Variants in SHISA9 observed in about 807,000 individuals in gnomAD.
SHISA9 encodes the protein protein shisa-9.
Under a neutral mutation model 38.0 loss-of-function variants are expected in SHISA9, and 13 were observed. The ratio of observed to expected loss-of-function variants is 0.34; its 90% confidence interval spans 0.22 to 0.54. SHISA9 has a LOEUF of 0.54. SHISA9 is among the 20% of genes least tolerant of loss of function. The pLI, the probability that SHISA9 is intolerant of heterozygous loss-of-function variation, is 0.91. For synonymous variants in SHISA9, 275 were observed against 242.0 expected (o/e 1.14, Z -1.27); for missense variants, 538 against 575.8 (o/e 0.93, Z 0.67).
At chr16:13,214,027 G>A (rs1196998093) in intron 4 of SHISA9, among the ~76,000 whole-genome samples, 3 of 151,742 alleles carry the variant, frequency 2.0e-5, no homozygotes, top group Non-Finnish European at 4.4e-5. Flanking sequence ...CTATTCAGTG[G>A]TAGATCTGCA....
chr16:13,293,562 T>C, the SHISA9 span, among the ~76,000 whole-genome samples: 2 of 152,194 alleles, frequency 1.3e-5, no homozygotes, highest in Non-Finnish European at 2.9e-5. Flanking sequence ...GTTTATTAAA[T>C]ATATATAATG....
At chr16:13,532,224 A>G in the SHISA9 span, among the ~76,000 whole-genome samples, 1 of 152,194 alleles carries the variant, frequency 6.6e-6, no homozygotes, top group African/African-American at 2.4e-5. Flanking sequence ...GTTAACCCCC[A>G]AGAACAAATT....
the SHISA9 span, among the ~76,000 whole-genome samples, chr16:13,531,291 C>G: frequency 1.1e-4 from 16 of 152,148 alleles, no homozygotes; most frequent in African/African-American, 3.4e-4. Context: ...ATGATTAGCT[C>G]TTAACACAAA....
intron 2 of SHISA9, among the ~76,000 whole-genome samples, chr16:13,004,774 A>G (rs1165459985): frequency 6.6e-6 from 1 of 151,710 alleles, no homozygotes. Context: ...AAAATACAAA[A>G]AAAAAAAATT....
At chr16:13,189,380 G>A (rs946566964) in intron 2 of SHISA9, among the ~76,000 whole-genome samples, 3 of 152,216 alleles carry the variant, frequency 2.0e-5, no homozygotes, top group Admixed American at 6.5e-5. Context: ...TTAGCTTGAC[G>A]GAAGAAACAT....
chr16:12,906,530 A>G (rs903974588), intron 1 of SHISA9, among the ~76,000 whole-genome samples: 1 of 152,202 alleles, frequency 6.6e-6, no homozygotes, highest in Non-Finnish European at 1.5e-5. Flanking sequence ...AAGAGCAGCC[A>G]CAGTCAGTCA....
chr16:12,951,943 G>A (rs890800945), intron 2 of SHISA9, among the ~76,000 whole-genome samples: 3 of 152,194 alleles, frequency 2.0e-5, no homozygotes, highest in Admixed American at 2.0e-4. Context: ...TTGGAGGAAA[G>A]GAACATATGC....
intron 4 of SHISA9, among the ~76,000 whole-genome samples, chr16:13,222,012 A>C (rs1596744980): frequency 6.6e-6 from 1 of 152,326 alleles, no homozygotes; most frequent in African/African-American, 2.4e-5. Context: ...GGGAGGCCTC[A>C]CAATCATGGT....
intron 2 of SHISA9, among the ~76,000 whole-genome samples, chr16:13,007,951 G>T (rs1217839039): frequency 6.6e-6 from 1 of 151,856 alleles, no homozygotes; most frequent in Non-Finnish European, 1.5e-5. Context: ...GACACTATTG[G>T]TGCTCTACCT....
At chr16:13,415,271 C>T in the SHISA9 span, among the ~76,000 whole-genome samples, 1 of 152,274 alleles carries the variant, frequency 6.6e-6, no homozygotes, top group South Asian at 2.1e-4. Flanking sequence ...AAAAGAATAT[C>T]GTGTGCTTTG....
intron 2 of SHISA9, among the ~76,000 whole-genome samples, chr16:12,963,646 T>G (rs1441132192): frequency 6.6e-6 from 1 of 152,214 alleles, no homozygotes; most frequent in Non-Finnish European, 1.5e-5. Context: ...TCTCCCATTT[T>G]GTAAATGTGG....
intron 2 of SHISA9, among the ~76,000 whole-genome samples, chr16:13,015,910 T>TCC: frequency 2.8e-5 from 3 of 107,802 alleles, no homozygotes; most frequent in Non-Finnish European, 2.0e-5. Flanking sequence ...TTCTTTCTTT[T>TCC]CTTTCTTTCT....
At chr16:13,254,999 T>G in the SHISA9 span, among the ~76,000 whole-genome samples, 1 of 152,140 alleles carries the variant, frequency 6.6e-6, no homozygotes, top group African/African-American at 2.4e-5. Flanking sequence ...CTTTAATTTT[T>G]TTTCCTTCTT....
At chr16:13,433,144 T>C in the SHISA9 span, among the ~76,000 whole-genome samples, 1 of 151,032 alleles carries the variant, frequency 6.6e-6, no homozygotes, top group African/African-American at 2.4e-5. Context: ...ATAATAGGGA[T>C]AGTCATAGTT....
At chr16:13,065,795 C>T (rs368635544) in intron 2 of SHISA9, among the ~76,000 whole-genome samples, 53 of 152,322 alleles carry the variant, frequency 3.5e-4, no homozygotes, top group African/African-American at 1.2e-3. Flanking sequence ...CTAGAATCTC[C>T]GCTTGTCAGG....
At chr16:12,904,022 G>A (rs543920227) in intron 1 of SHISA9, among the ~76,000 whole-genome samples, 7 of 152,226 alleles carry the variant, frequency 4.6e-5, no homozygotes, top group African/African-American at 1.7e-4. Context: ...GGGAGCTGTG[G>A]GTGGATGGTG....
At chr16:13,145,586 C>A (rs1297546185) in intron 2 of SHISA9, among the ~76,000 whole-genome samples, 2 of 152,186 alleles carry the variant, frequency 1.3e-5, no homozygotes, top group Non-Finnish European at 2.9e-5. Flanking sequence ...GCTGACCTCA[C>A]TGGGTCCTAG....
At chr16:12,925,798 G>A (rs1326689908) in intron 2 of SHISA9, among the ~76,000 whole-genome samples, 1 of 152,198 alleles carries the variant, frequency 6.6e-6, no homozygotes, top group East Asian at 1.9e-4. Flanking sequence ...GCCTACTATA[G>A]CATTGATACT....
At chr16:13,437,601 A>G in the SHISA9 span, among the ~76,000 whole-genome samples, 65 of 152,206 alleles carry the variant, frequency 4.3e-4, no homozygotes, top group African/African-American at 1.5e-3. Context: ...AGCCATAAAC[A>G]ACTCGGTTAC....
Sources: gnomAD v4.1 joint callset for allele counts (sites outside exome capture counted in the v4.1 genomes callset) on GRCh38, gnomAD v4.1.1 for gene constraint, MANE v1.5 for transcripts, NCBI Gene and HGNC (gene_info 2026-07-23, HGNC 2026-07-21) for gene names.